Variants in CNNM2 observed in about 807,000 individuals in gnomAD.
CNNM2 encodes cyclin and CBS domain divalent metal cation transport mediator 2.
Under a neutral mutation model 66.9 loss-of-function variants are expected in CNNM2, and 12 were observed. The ratio of observed to expected loss-of-function variants is 0.18; its 90% CI spans 0.11 to 0.29. The LOEUF is 0.29. CNNM2 is among the 10% of genes least tolerant of loss of function. The pLI is 1.00. For missense variants in CNNM2, 705 were observed against 1,167.7 expected, an observed-to-expected ratio of 0.60 and a Z score of 5.77; for synonymous variants, 557 against 501.8, an observed-to-expected ratio of 1.11 and a Z score of -1.47.
At chr10:103,001,235 A>T (rs2064116644) in intron 1 of CNNM2, among the ~76,000 whole-genome samples, 1 of 151,772 alleles carries the variant, frequency 6.6e-6, no homozygotes, top group South Asian at 2.1e-4. Flanking sequence ...GGATTAAAAG[A>T]GGTGTGGAGA....
intron 5 of CNNM2, among the ~76,000 whole-genome samples, 200 bp downstream of exon 5, chr10:103,068,922 G>A (rs1252771206): frequency 2.6e-5 from 4 of 152,098 alleles, no homozygotes; most frequent in South Asian, 2.1e-4. Context: ...AACTGAACAC[G>A]TGTAAAGTGG....
Position 103,032,937 on chromosome 10 carries a change from G to A in CNNM2, c.1622-16770G>A, listed in dbSNP as rs143175758. Reference sequence around the variant, plus strand: ...GTTTGAGACCAGCCTGGGCAACATGGTGAAACCCTGTCACTACAAAAGATA... The same window carrying A: ...GTTTGAGACCAGCCTGGGCAACATGATGAAACCCTGTCACTACAAAAGATA... On this transcript the variant is annotated intron_variant, in intron 1 of 7. Coordinates refer to ENST00000369878, the MANE Select transcript of CNNM2 (RefSeq NM_017649.5). 7.3e-5 allele frequency among the ~76,000 whole-genome samples: 11 copies of A among 151,610 alleles called. No individual in the cohort carries two copies. In the East Asian group the frequency reaches 2.1e-3, roughly 30 times the overall value.
chr10:103,028,828 C>CTTTTTTTTTTTTTTTTTTTT (rs34401079), intron 1 of CNNM2, among the ~76,000 whole-genome samples: 1 of 99,192 alleles, frequency 1.0e-5, no homozygotes, highest in Non-Finnish European at 2.0e-5. Context: ...TTTTTTTTTT[C>CTTTTTTTTTTTTTTTTTTTT]TTTTTTTTTT....
intron 7 of CNNM2, among the ~76,000 whole-genome samples, 153 bp downstream of exon 7, chr10:103,076,423 C>T (rs1380724772): frequency 2.6e-5 from 4 of 152,220 alleles, no homozygotes; most frequent in East Asian, 3.8e-4. Flanking sequence ...ACCCTGTCTT[C>T]GTCTGCTGTG....
At position 103,083,686 on chromosome 10, in the gene CNNM2, A is replaced by G. The variant is rs901774212; in HGVS notation, c.*6506A>G. 1.3e-5 allele frequency: 2 copies of G among 152,210 alleles called. No individual in the cohort carries two copies. Among genetic ancestry groups the G allele is most frequent in the South Asian group, 2.1e-4 (1 of 4,828 alleles). The allele number at this position is 152,210 out of a possible 1,614,324, so 9.4% of individuals were successfully genotyped here. On this transcript the variant is annotated 3_prime_UTR_variant, in exon 8 of 8. Coordinates refer to ENST00000369878, the MANE Select transcript of CNNM2 (RefSeq NM_017649.5). ...CTGTTCTCCATCAGTTACTCTCTAC[A>G]TAAGAACATTCGGAGTATCCAGTCA...
At chr10:103,076,600 G>T (rs1262884563) in intron 7 of CNNM2, among the ~76,000 whole-genome samples, 2 of 152,232 alleles carry the variant, frequency 1.3e-5, no homozygotes, top group Non-Finnish European at 2.9e-5. Context: ...CCCTGGGAAG[G>T]CTGAGGTCAG....
In CNNM2 at chr10:103,010,229, C is replaced by CT. The variant is rs202225261; in HGVS notation, c.1622-39466dup. ...AAAATAGTATATATAATATGACCAT[C>CT]TTTTTTTTTTTTATTTTTTTCCCCT... On this transcript the variant is annotated intron_variant, in intron 1 of 7. Coordinates refer to ENST00000369878, the MANE Select transcript of CNNM2 (RefSeq NM_017649.5). Among the ~76,000 whole-genome samples, 2,874 of 145,984 alleles carry CT rather than the reference C, an allele frequency of 0.02. 68 individuals are homozygous for CT. Among genetic ancestry groups the CT allele is most frequent in the South Asian group, 0.12 (583 of 4,678 alleles).
intron 1 of CNNM2, among the ~76,000 whole-genome samples, chr10:102,986,129 A>G (rs183045939): frequency 1.3e-5 from 2 of 152,334 alleles, no homozygotes; most frequent in East Asian, 1.9e-4. Flanking sequence ...TTAAGATTAC[A>G]AAGATAATGC....
chr10:102,976,632 T>TTTTTTTTTTTTA (rs1564828276), intron 1 of CNNM2, among the ~76,000 whole-genome samples: 9 of 132,354 alleles, frequency 6.8e-5, no homozygotes, highest in African/African-American at 2.0e-4. Context: ...TTTTTTTTTT[T>TTTTTTTTTTTTA]TTTTTTTGTA....
intron 1 of CNNM2, among the ~76,000 whole-genome samples, chr10:103,022,109 A>G (rs1003847867): frequency 4.6e-5 from 7 of 152,220 alleles, no homozygotes; most frequent in African/African-American, 1.7e-4. Flanking sequence ...GACTTCTTAT[A>G]TAAACAGACC....
rs1318303120 is a variant in CNNM2 at position 103,085,659 on chromosome 10, T to C, written c.*8479T>C. Reference sequence around the variant, plus strand: ...AGGGACGAGATTCAAAATTCATCATTGTGTTTTAAATTTAAATTGGAAAAC... The same window carrying C: ...AGGGACGAGATTCAAAATTCATCATCGTGTTTTAAATTTAAATTGGAAAAC... On this transcript the variant is annotated 3_prime_UTR_variant, in exon 8 of 8. Transcript: ENST00000369878. 6.6e-6 allele frequency: 1 copy of C among 152,198 alleles called. No homozygotes were observed. The allele number at this position is 152,198 out of a possible 1,614,324, so 9.4% of individuals were successfully genotyped here.
At chr10:102,925,685 A>T (rs902145955) in intron 1 of CNNM2, among the ~76,000 whole-genome samples, 11 of 152,220 alleles carry the variant, frequency 7.2e-5, no homozygotes, top group Admixed American at 7.2e-4. Flanking sequence ...AAAAACAAAT[A>T]GTGAGTGTTA....
chr10:102,947,576 C>A (rs545003059), intron 1 of CNNM2, among the ~76,000 whole-genome samples: 1 of 151,810 alleles, frequency 6.6e-6, no homozygotes, highest in East Asian at 1.9e-4. Flanking sequence ...AATGGTGAAA[C>A]CCTGTCTCTA....
intron 1 of CNNM2, among the ~76,000 whole-genome samples, chr10:103,031,461 T>C (rs2064817035): frequency 6.6e-6 from 1 of 152,164 alleles, no homozygotes; most frequent in South Asian, 2.1e-4. Context: ...TATCCAACAA[T>C]GTGGATGTCA....
intron 4 of CNNM2, chr10:103,068,386 T>A: frequency 2.4e-6 from 1 of 422,964 alleles, no homozygotes. Flanking sequence ...AATTTAAGAA[T>A]TATTTTAAAA....
intron 1 of CNNM2, among the ~76,000 whole-genome samples, chr10:103,039,169 G>C (rs2064994583): frequency 6.6e-6 from 1 of 151,708 alleles, no homozygotes; most frequent in African/African-American, 2.4e-5. Context: ...TTTTGAGATG[G>C]AGTCTCGCTC....
At chr10:103,070,947 G>T (rs1277990778) in intron 5 of CNNM2, among the ~76,000 whole-genome samples, 1 of 152,054 alleles carries the variant, frequency 6.6e-6, no homozygotes, top group Non-Finnish European at 1.5e-5. Context: ...AAAAGCGGGG[G>T]GGGAATTTCA....
At chr10:102,988,868 A>G in intron 1 of CNNM2, among the ~76,000 whole-genome samples, 1 of 152,140 alleles carries the variant, frequency 6.6e-6, no homozygotes, top group East Asian at 1.9e-4. Context: ...TAGGTGACCG[A>G]CTAACTTTCT....
At chr10:102,985,597 T>A (rs1364271765) in intron 1 of CNNM2, among the ~76,000 whole-genome samples, 1 of 152,226 alleles carries the variant, frequency 6.6e-6, no homozygotes. Flanking sequence ...AGTCATGTTC[T>A]TTCTAGCCAT....
Sources: gnomAD v4.1 joint callset for allele counts (sites outside exome capture counted in the v4.1 genomes callset) on GRCh38, gnomAD v4.1.1 for gene constraint, MANE v1.5 for transcripts, NCBI Gene and HGNC (gene_info 2026-07-23, HGNC 2026-07-21) for gene names.